The following MTR variants were observed in gnomAD, a reference collection of about 807,000 sequenced individuals.
The protein encoded by MTR is 5-methyltetrahydrofolate-homocysteine methyltransferase, also known as methionine synthase.
In MTR, 84 loss-of-function variants were observed where a neutral mutation model predicts 154.8. That is an observed-to-expected ratio of 0.54 (90% CI 0.45 to 0.65). The LOEUF is 0.65. Ranked by LOEUF, MTR falls within the 30% of genes least tolerant of loss-of-function variation. MTR has a pLI of 0.00. For synonymous variants in MTR, 554 were observed against 553.9 expected, an observed-to-expected ratio of 1.00 and a Z score of 0.00; for missense variants, 1,275 against 1,570.2, an observed-to-expected ratio of 0.81 and a Z score of 3.18.
At chr1:236,797,272 G>A (rs1343130446) in intron 1 of MTR, among the ~76,000 whole-genome samples, 2 of 152,142 alleles carry the variant, frequency 1.3e-5, no homozygotes, top group African/African-American at 4.8e-5. Flanking sequence ...ATTTACTGGC[G>A]TACAATCTTA....
chr1:236,795,853 G>C (rs1660348886), intron 1 of MTR, 116 bp downstream of exon 1: 7 of 1,505,256 alleles, frequency 4.7e-6, no homozygotes, highest in Non-Finnish European at 6.4e-6. Flanking sequence ...GTGTTTCCCC[G>C]CGTGTGGGCG....
intron 8 of MTR, among the ~76,000 whole-genome samples, chr1:236,819,452 A>G (rs997437424): frequency 3.9e-5 from 6 of 152,336 alleles, no homozygotes; most frequent in South Asian, 2.1e-4. Flanking sequence ...TTAACGCTAA[A>G]TAATATTCCG....
chr1:236,832,143 A>C (rs1662649612), intron 13 of MTR, 65 bp downstream of exon 13: 1 of 1,241,298 alleles, frequency 8.1e-7, no homozygotes, highest in Admixed American at 1.7e-5. Flanking sequence ...CATGTAAATG[A>C]AACAGCTCTC....
chr1:236,804,550 G>C (rs544408717), intron 2 of MTR, among the ~76,000 whole-genome samples: 1 of 151,926 alleles, frequency 6.6e-6, no homozygotes, highest in Non-Finnish European at 1.5e-5. Flanking sequence ...TCTGGAACAT[G>C]GTTTTAATAA....
intron 8 of MTR, chr1:236,819,652 A>C: frequency 1.7e-6 from 1 of 590,826 alleles, no homozygotes; most frequent in Middle Eastern, 4.6e-4. Flanking sequence ...AGAGCCCCTG[A>C]TGTCCTGCAA....
At chr1:236,836,671 G>A (rs1282838768) in intron 14 of MTR, among the ~76,000 whole-genome samples, 3 of 152,144 alleles carry the variant, frequency 2.0e-5, no homozygotes, top group Non-Finnish European at 4.4e-5. Flanking sequence ...TCTATGGTAG[G>A]TACTGAATTA....
chr1:236,800,616 A>G (rs1197871246), intron 1 of MTR: 4 of 437,612 alleles, frequency 9.1e-6, no homozygotes, highest in East Asian at 1.6e-4. Flanking sequence ...TCCTGCCCCA[A>G]CATGACCAAC....
intron 22 of MTR, among the ~76,000 whole-genome samples, chr1:236,873,325 A>C (rs1016889445): frequency 1.3e-5 from 2 of 152,240 alleles, no homozygotes; most frequent in Admixed American, 6.5e-5. Flanking sequence ...AAATGGTTAC[A>C]GTGTTTCTGC....
At chr1:236,865,152 C>G (rs995738936) in intron 22 of MTR, among the ~76,000 whole-genome samples, 1 of 152,172 alleles carries the variant, frequency 6.6e-6, no homozygotes, top group Non-Finnish European at 1.5e-5. Flanking sequence ...GTGAAGACTG[C>G]GTATTAAGCC....
chr1:236,874,396 G>T (rs1279294557), intron 23 of MTR, among the ~76,000 whole-genome samples: 1 of 151,968 alleles, frequency 6.6e-6, no homozygotes, highest in Non-Finnish European at 1.5e-5. Context: ...CCAACGTGGT[G>T]AAACCCTGTC....
At chr1:236,881,738 G>A (rs1296448489) in intron 25 of MTR, among the ~76,000 whole-genome samples, 2 of 152,018 alleles carry the variant, frequency 1.3e-5, no homozygotes, top group African/African-American at 4.8e-5. Context: ...TCAGATCTGC[G>A]AATTTATTTA....
chr1:236,843,824 C>A (rs904992588), intron 15 of MTR, among the ~76,000 whole-genome samples: 1 of 152,184 alleles, frequency 6.6e-6, no homozygotes, highest in Admixed American at 6.5e-5. Flanking sequence ...GTAAGAAAGA[C>A]TGAGAAGCAG....
chr1:236,870,066 T>C lies in MTR; in HGVS notation c.2406-3707T>C, dbSNP rs377311362. 4.6e-3 allele frequency among the ~76,000 whole-genome samples: 707 copies of C among 152,342 alleles called. 11 individuals are homozygous for C. Among genetic ancestry groups the C allele is most frequent in the African/African-American group, 0.016 (682 of 41,582 alleles). On this transcript the variant is annotated intron_variant, in intron 22 of 32. Coordinates refer to ENST00000366577, the MANE Select transcript of MTR (RefSeq NM_000254.3). Reference sequence around the variant, plus strand: ...GATGTGCCAGGAAACCCATTCTCTTTCCTGCTGGAGAGTGGAACTGGGCCT... The same window carrying C: ...GATGTGCCAGGAAACCCATTCTCTTCCCTGCTGGAGAGTGGAACTGGGCCT...
chr1:236,877,424 C>A (rs967072964), intron 24 of MTR, among the ~76,000 whole-genome samples: 4 of 152,200 alleles, frequency 2.6e-5, no homozygotes, highest in Admixed American at 2.0e-4. Context: ...GTCATCCTTT[C>A]CAACAAAAGT....
rs1667011356 is a variant in MTR, at chr1:236,903,525, C to T, written c.*5881C>T. The T allele has an allele frequency of 1.3e-5, 2 of 152,140 alleles. No individual in the cohort carries two copies. The highest frequency in any genetic ancestry group is 1.3e-4 in the Admixed American group (2 of 15,278). The allele number at this position is 152,140 out of a possible 1,614,324, so 9.4% of individuals were successfully genotyped here. On this transcript the variant is annotated 3_prime_UTR_variant, in exon 33 of 33. Coordinates refer to ENST00000366577, the MANE Select transcript of MTR (RefSeq NM_000254.3). ...ATTATTATAGACTTTTGGAGACTCACGAAACAAGCAATCCCTAAATTCTCG... is the reference window on the plus strand; with the variant it reads ...ATTATTATAGACTTTTGGAGACTCATGAAACAAGCAATCCCTAAATTCTCG...
At position 236,850,253 on chromosome 1, in the gene MTR, T is replaced by A. The variant is rs200399202; in HGVS notation, c.1516-91T>A. 0.41 allele frequency: 340,646 copies of A among 840,848 alleles called. 71,976 individuals carry two copies. Among genetic ancestry groups the A allele is most frequent in the East Asian group, 0.46 (11,779 of 25,390 alleles). The allele number at this position is 840,848 out of a possible 1,614,324, so 52.1% of individuals were successfully genotyped here. A position where few individuals can be genotyped will look rare whatever the true frequency, so the allele number is the denominator to read the frequency against. On this transcript the variant is annotated intron_variant, in intron 15 of 32. Transcript: ENST00000366577. ...AACACTTAATATTTTAATATTAATA[T>A]TTTATTAAAATAAAATAACAGGTAT...
intron 8 of MTR, among the ~76,000 whole-genome samples, chr1:236,821,498 C>T (rs2103082695): frequency 6.6e-6 from 1 of 152,282 alleles, no homozygotes; most frequent in East Asian, 1.9e-4. Flanking sequence ...CAAATATTTT[C>T]TCCCAGCCTG....
intron 18 of MTR, among the ~76,000 whole-genome samples, chr1:236,853,799 A>G (rs1437404942): frequency 6.6e-6 from 1 of 152,126 alleles, no homozygotes; most frequent in Admixed American, 6.6e-5. Context: ...TGCACATTTG[A>G]TGTGTAAAAA....
At position 236,899,488 on chromosome 1, in the gene MTR, C is replaced by CT. The variant is rs1666830127; in HGVS notation, c.*1847dup. 2 of 152,216 alleles carry CT rather than the reference C, an allele frequency of 1.3e-5. No homozygotes were observed. Among genetic ancestry groups the CT allele is most frequent in the Admixed American group, 1.3e-4 (2 of 15,288 alleles). 9.4% of individuals were successfully genotyped at this position (152,216 alleles called of 1,614,324 possible). Reference sequence around the variant, plus strand: ...TCATGTGGGAAAAAAAGAAATTTTACTTTCTCTCACCTTACCTGGTGATAA... The same window carrying CT: ...TCATGTGGGAAAAAAAGAAATTTTACTTTTCTCTCACCTTACCTGGTGATAA... On this transcript the variant is annotated 3_prime_UTR_variant, in exon 33 of 33. Coordinates refer to ENST00000366577, the MANE Select transcript of MTR (RefSeq NM_000254.3).
Sources: gnomAD v4.1 joint callset for allele counts (sites outside exome capture counted in the v4.1 genomes callset) on GRCh38, gnomAD v4.1.1 for gene constraint, MANE v1.5 for transcripts, NCBI Gene and HGNC (gene_info 2026-07-23, HGNC 2026-07-21) for gene names.